The following PPP4R2 variants were observed in gnomAD, a reference collection of about 807,000 sequenced individuals.
PPP4R2 encodes serine/threonine-protein phosphatase 4 regulatory subunit 2.
In PPP4R2, 13 loss-of-function variants were observed where a neutral mutation model predicts 47.2. That is an observed-to-expected ratio of 0.28 (90% CI 0.18 to 0.44). The LOEUF (loss-of-function observed/expected upper bound fraction) is 0.44. PPP4R2 is among the 20% of genes least tolerant of loss of function. The pLI is 1.00. For missense variants in PPP4R2, 421 were observed against 491.2 expected (o/e 0.86, Z 1.35); for synonymous variants, 151 against 163.3 (o/e 0.92, Z 0.57).
chr3:73,015,698 C>T (rs987291769), intron 2 of PPP4R2: 13 of 276,118 alleles, frequency 4.7e-5, no homozygotes, highest in South Asian at 2.1e-4. Context: ...AGTGCAGTGG[C>T]GCCATCTCGG....
At chr3:73,013,463 TTC>T (rs1256711519) in intron 2 of PPP4R2, among the ~76,000 whole-genome samples, 1 of 148,026 alleles carries the variant, frequency 6.8e-6, no homozygotes, top group African/African-American at 2.5e-5. Context: ...CTTTAGATGT[TTC>T]TGTCTCATTT....
intron 2 of PPP4R2, among the ~76,000 whole-genome samples, chr3:73,017,981 G>A (rs1299632195): frequency 6.6e-6 from 1 of 152,122 alleles, no homozygotes; most frequent in Non-Finnish European, 1.5e-5. Flanking sequence ...ACAATATTTT[G>A]TTACTGTATG....
intron 2 of PPP4R2, among the ~76,000 whole-genome samples, chr3:73,038,337 G>T (rs1002483809): frequency 6.6e-6 from 1 of 152,042 alleles, no homozygotes; most frequent in Admixed American, 6.6e-5. Context: ...GTCTATGTTG[G>T]TATAGTAATA....
In PPP4R2 at chr3:73,065,451, A is replaced by C. The variant is rs368382022; in HGVS notation, c.983A>C (p.Glu328Ala). 3.7e-6 allele frequency: 6 copies of C among 1,607,744 alleles called. No homozygotes were observed. In the African/African-American group the frequency reaches 6.7e-5, roughly 18 times the overall value. Reference protein sequence around the residue: ...MIPERKNQEKESDDALTVNEE... With the variant: ...MIPERKNQEKASDDALTVNEE... ...CCAGAAAGAAAAAATCAAGAAAAAG[A>C]ATCTGATGATGCCTTAACTGTGAAT... is the stretch of plus-strand genomic sequence containing the variant. Residue 328 changes from glutamate to alanine, a missense_variant, in exon 9 of 9, where the codon GAA becomes GCA. Physicochemically the swap from Glu to Ala is moderately radical, Grantham distance 107. Around this residue, in one of 2 missense-constraint regions of PPP4R2, gnomAD observed 317 missense variants for 287.5 expected, o/e 1.10. Coordinates refer to ENST00000356692, the MANE Select transcript of PPP4R2 (RefSeq NM_174907.4).
At chr3:73,029,187 C>CA (rs1170691399) in intron 2 of PPP4R2, among the ~76,000 whole-genome samples, 12 of 152,186 alleles carry the variant, frequency 7.9e-5, no homozygotes, top group African/African-American at 2.9e-4. Flanking sequence ...ACAATCCTCC[C>CA]ACCTTGTCCT....
intron 2 of PPP4R2, among the ~76,000 whole-genome samples, chr3:73,028,130 G>A (rs1203747997): frequency 2.0e-5 from 3 of 151,520 alleles, no homozygotes; most frequent in Admixed American, 6.6e-5. Flanking sequence ...GGTGGCACAC[G>A]CCTGTCATCC....
chr3:73,008,114 G>GCTC (rs1701651006), intron 2 of PPP4R2, among the ~76,000 whole-genome samples: 1 of 144,166 alleles, frequency 6.9e-6, no homozygotes, highest in African/African-American at 2.6e-5. Context: ...GAAGCCATTG[G>GCTC]CTTGGTATAG....
intron 2 of PPP4R2, among the ~76,000 whole-genome samples, chr3:73,011,025 C>CTGT (rs59814178): frequency 1.3e-5 from 2 of 151,678 alleles, no homozygotes; most frequent in Non-Finnish European, 2.9e-5. Context: ...GGTTGTACAG[C>CTGT]TAAGTAATGG....
At chr3:73,027,231 C>G (rs1418266551) in intron 2 of PPP4R2, among the ~76,000 whole-genome samples, 1 of 152,150 alleles carries the variant, frequency 6.6e-6, no homozygotes, top group African/African-American at 2.4e-5. Context: ...GGTTGAAGCT[C>G]TTCCCCTGCC....
At chr3:73,016,880 TCACTGAAACCTCCACCTCC>T (rs367552045) in intron 2 of PPP4R2, among the ~76,000 whole-genome samples, 13 of 145,862 alleles carry the variant, frequency 8.9e-5, no homozygotes, top group Admixed American at 1.4e-4. Context: ...GTTCAGTGGC[TCACTGAAACCTCCACCTCC>T]CACTGAAACC....
intron 2 of PPP4R2, among the ~76,000 whole-genome samples, chr3:73,002,939 G>T (rs376158238): frequency 6.6e-6 from 1 of 151,866 alleles, no homozygotes; most frequent in Non-Finnish European, 1.5e-5. Context: ...ACTGCGCCTG[G>T]CCCAGGGTTT....
intron 2 of PPP4R2, among the ~76,000 whole-genome samples, chr3:73,005,740 G>C (rs868407991): frequency 6.6e-6 from 1 of 150,436 alleles, no homozygotes; most frequent in East Asian, 2.0e-4. Context: ...AGCTACTCGG[G>C]AGAATCACCT....
rs536228290 is a variant in PPP4R2 at position 73,005,993 on chromosome 3, C to G, written c.116+7835C>G. On this transcript the variant is annotated intron_variant, in intron 2 of 8. Transcript: ENST00000356692. Reference sequence around the variant, plus strand: ...CATTCATTACTCCCAGAAGTTTGCTCATGCCCCATTGTAATCTTCCCTCCC... The same window carrying G: ...CATTCATTACTCCCAGAAGTTTGCTGATGCCCCATTGTAATCTTCCCTCCC... 8.5e-5 allele frequency among the ~76,000 whole-genome samples: 13 copies of G among 152,256 alleles called. No homozygotes were observed. In the South Asian group the frequency reaches 2.3e-3, roughly 27 times the overall value.
At chr3:73,015,578 C>T (rs146830770) in intron 2 of PPP4R2, among the ~76,000 whole-genome samples, 115 of 151,136 alleles carry the variant, frequency 7.6e-4, no homozygotes, top group Admixed American at 1.3e-4. Flanking sequence ...CTGGTTCGAG[C>T]GATTCTTCTA....
intron 1 of PPP4R2, chr3:72,997,362 AC>A (rs1227587507): frequency 1.6e-5 from 5 of 312,450 alleles, no homozygotes; most frequent in Non-Finnish European, 2.3e-5. Context: ...CGAGTGGCGG[AC>A]CCGCAGACCC....
chr3:73,065,168 T>A, intron 8 of PPP4R2, 27 bp downstream of exon 8: 1 of 1,553,522 alleles, frequency 6.4e-7, no homozygotes, highest in South Asian at 1.2e-5. Context: ...TGTAAAAGGG[T>A]GGAGTAAGGA....
intron 2 of PPP4R2, among the ~76,000 whole-genome samples, chr3:73,006,301 C>G (rs943828751): frequency 6.7e-6 from 1 of 149,424 alleles, no homozygotes. Flanking sequence ...CAGGTTCAAG[C>G]TATTCTTCCG....
intron 2 of PPP4R2, among the ~76,000 whole-genome samples, chr3:73,034,901 T>C (rs551478359): frequency 4.4e-4 from 66 of 149,216 alleles, no homozygotes; most frequent in Admixed American, 8.0e-4. Flanking sequence ...CAAAGGTAGG[T>C]GAGACCTCAA....
chr3:73,060,001 G>A (rs562347691), intron 4 of PPP4R2, among the ~76,000 whole-genome samples: 22 of 151,840 alleles, frequency 1.4e-4, no homozygotes, highest in Non-Finnish European at 2.4e-4. Context: ...GGAATGAAAA[G>A]TAAGAAATTG....
Sources: allele counts gnomAD v4.1 joint callset (sites outside exome capture counted in the v4.1 genomes callset), GRCh38; gene constraint gnomAD v4.1.1; regional missense constraint gnomAD v4.1.1; transcripts MANE v1.5; gene names NCBI Gene and HGNC (gene_info 2026-07-23, HGNC 2026-07-21).